The following MOSPD2 variants were observed in gnomAD, a reference collection of about 807,000 sequenced individuals.
MOSPD2 encodes motile sperm domain containing 2, also known as motile sperm domain-containing protein 2.
MOSPD2 carries 5 observed loss-of-function variants against 41.7 expected under a neutral mutation model. That is an observed-to-expected ratio of 0.12 (90% CI 0.06 to 0.25). The LOEUF (loss-of-function observed/expected upper bound fraction) is 0.25, where lower values mean the gene tolerates loss of function less well. Ranked by LOEUF, MOSPD2 falls within the 10% of genes least tolerant of loss-of-function variation. The pLI is 1.00. For synonymous variants in MOSPD2, 115 were observed against 126.9 expected (o/e 0.91, Z 0.63); for missense variants, 282 against 375.2 (o/e 0.75, Z 2.05).
chrX:14,899,607 A>ACACACACACACACAC (rs1569103818), intron 5 of MOSPD2, among the ~76,000 whole-genome samples: 1 of 62,093 alleles, frequency 1.6e-5, no homozygotes, highest in Non-Finnish European at 4.2e-5. Flanking sequence ...CACACACACA[A>ACACACACACACACAC]AGGTATTATT....
intron 3 of MOSPD2, among the ~76,000 whole-genome samples, chrX:14,893,881 T>C (rs1005940098): frequency 2.7e-5 from 3 of 112,774 alleles, no homozygotes; most frequent in African/African-American, 9.7e-5. Flanking sequence ...CAACAATGTT[T>C]GTTTTCTTAC....
chrX:14,907,383 T>C (rs1049797970), intron 7 of MOSPD2, among the ~76,000 whole-genome samples: 1 of 112,113 alleles, frequency 8.9e-6, no homozygotes, highest in Admixed American at 9.4e-5. Context: ...TGACAACGTA[T>C]GTCTACAGAA....
At chrX:14,893,803 T>G (rs1465024937) in intron 3 of MOSPD2, among the ~76,000 whole-genome samples, 1 of 112,998 alleles carries the variant, frequency 8.8e-6, no homozygotes, top group Non-Finnish European at 1.9e-5. Flanking sequence ...GAAGCATTTA[T>G]TAACCAAAGA....
chrX:14,911,017 C>T (rs186201665), intron 8 of MOSPD2, among the ~76,000 whole-genome samples: 42 of 110,670 alleles, frequency 3.8e-4, no homozygotes, highest in African/African-American at 9.8e-4. Context: ...GTGTAGAGAG[C>T]GAGCTAAAGA....
At chrX:14,882,810 T>C (rs2092533959) in intron 2 of MOSPD2, among the ~76,000 whole-genome samples, 1 of 109,671 alleles carries the variant, frequency 9.1e-6, no homozygotes, top group African/African-American at 3.3e-5. Context: ...TCTTTTTCTT[T>C]TTTTTTTTTT....
In MOSPD2 at chrX:14,887,763, C is replaced by T. The variant is rs764170681; in HGVS notation, c.80-4960C>T. Among the ~76,000 whole-genome samples the T allele has an allele frequency of 2.7e-5, 3 of 111,218 alleles. No homozygotes were observed. In the East Asian group the frequency reaches 8.5e-4, roughly 31 times the overall value. ...GAGAGAAACAGTGAGTGAGAGAGAA[C>T]ACACATATGCATGTGTATGGAGAGA... is the stretch of plus-strand genomic sequence containing the variant. On this transcript the variant is annotated intron_variant, in intron 2 of 14. Coordinates refer to ENST00000380492, the MANE Select transcript of MOSPD2 (RefSeq NM_152581.4).
At chrX:14,873,565 C>T in intron 1 of MOSPD2, 28 bp downstream of exon 1, 2 of 1,210,885 alleles carry the variant, frequency 1.7e-6, no homozygotes, top group Non-Finnish European at 2.2e-6. Context: ...CCGCCGCTGG[C>T]CCCCCGGACC....
intron 5 of MOSPD2, among the ~76,000 whole-genome samples, chrX:14,899,543 TTATA>T (rs1330657163): frequency 1.1e-5 from 1 of 91,817 alleles, no homozygotes; most frequent in African/African-American, 4.0e-5. Context: ...CAAAGGTATT[TTATA>T]TATATATATT....
chrX:14,886,512 TACAC>T (rs752460527), intron 2 of MOSPD2, among the ~76,000 whole-genome samples: 3 of 97,077 alleles, frequency 3.1e-5, no homozygotes, highest in Non-Finnish European at 6.3e-5. Flanking sequence ...TACACACACA[TACAC>T]ACACACACAC....
chrX:14,900,248 A>G (rs1229023916), intron 5 of MOSPD2, among the ~76,000 whole-genome samples: 1 of 111,858 alleles, frequency 8.9e-6, no homozygotes, highest in East Asian at 2.8e-4. Flanking sequence ...AGATTTTTAG[A>G]ATTTCTCTAT....
Position 14,873,745 on chromosome X carries a change from T to C in MOSPD2, c.66T>C (p.Ala22=). The C allele has an allele frequency of 8.3e-7, 1 of 1,207,364 alleles. No homozygotes were observed. The highest frequency in any genetic ancestry group is 1.1e-6 in the Non-Finnish European group (1 of 891,413). The part of the protein sequence containing the change: ...LISETRRRFE[A]EYVTDKSDKY... ...CTGAGACCCGGAGGAGGTTCGAAGC[T>C]GAGTATGTGACAGGTGGGTACTCTG... The change falls in exon 2 of 15, where the codon GCT becomes GCC. Residue 22 remains alanine, a synonymous_variant. Transcript: ENST00000380492.
At chrX:14,892,388 C>G (rs764113834) in intron 2 of MOSPD2, among the ~76,000 whole-genome samples, 6 of 111,006 alleles carry the variant, frequency 5.4e-5, no homozygotes, top group Non-Finnish European at 1.1e-4. Flanking sequence ...TCAGTTCGTG[C>G]GGGAACTAAG....
chrX:14,882,799 TTC>T (rs1425687546), intron 2 of MOSPD2, among the ~76,000 whole-genome samples: 1 of 110,665 alleles, frequency 9.0e-6, no homozygotes, highest in Admixed American at 9.6e-5. Context: ...TCTTGTTTTT[TTC>T]TTTTTCTTTT....
At chrX:14,887,696 TTTTAAAAAATTTTATTTTTTTA>T (rs1283871933) in intron 2 of MOSPD2, among the ~76,000 whole-genome samples, 1 of 108,779 alleles carries the variant, frequency 9.2e-6, no homozygotes, top group Non-Finnish European at 1.9e-5. Context: ...ATCTTACAAT[TTTTAAAAAATTTTATTTTTTTA>T]TTTAAAAAAT....
rs191127726 is a variant in MOSPD2, at chrX:14,884,337, G to A, written c.80-8386G>A. On this transcript the variant is annotated intron_variant, in intron 2 of 14. Transcript: ENST00000380492. ...AAAACAAATAATAATAAGAGTAGAA[G>A]AAATGGAGGTAAAGTATTACAAGGA... Among the ~76,000 whole-genome samples the A allele has an allele frequency of 8.3e-4, 93 of 111,719 alleles. 1 individual carries two copies. The highest frequency in any genetic ancestry group is 7.9e-4 in the Non-Finnish European group (42 of 53,034).
intron 3 of MOSPD2, among the ~76,000 whole-genome samples, chrX:14,894,795 T>G (rs1240493974): frequency 9.0e-6 from 1 of 111,190 alleles, no homozygotes; most frequent in East Asian, 2.8e-4. Context: ...GGTTTTTAAA[T>G]GCATTAAAGT....
intron 9 of MOSPD2, among the ~76,000 whole-genome samples, chrX:14,911,630 G>C (rs2092591910): frequency 8.9e-6 from 1 of 112,209 alleles, no homozygotes; most frequent in Non-Finnish European, 1.9e-5. Context: ...TCTTATACCT[G>C]TAATCCTAGC....
intron 4 of MOSPD2, among the ~76,000 whole-genome samples, chrX:14,896,868 T>A (rs1221356426): frequency 8.9e-6 from 1 of 112,908 alleles, no homozygotes; most frequent in Non-Finnish European, 1.9e-5. Flanking sequence ...AAGTGAAATT[T>A]GTTTATTTCC....
intron 2 of MOSPD2, among the ~76,000 whole-genome samples, chrX:14,889,761 A>G (rs2147485894): frequency 8.9e-6 from 1 of 112,117 alleles, no homozygotes; most frequent in South Asian, 3.7e-4. Flanking sequence ...GGGGCTTTCT[A>G]ATTTCAAAGA....
Sources: gnomAD v4.1 joint callset for allele counts (sites outside exome capture counted in the v4.1 genomes callset) on GRCh38, gnomAD v4.1.1 for gene constraint, MANE v1.5 for transcripts, NCBI Gene and HGNC (gene_info 2026-07-23, HGNC 2026-07-21) for gene names.